The following PAH variants were observed in gnomAD, a reference collection of about 807,000 sequenced individuals.
The protein encoded by PAH is phenylalanine-4-hydroxylase.
Under a neutral mutation model 62.0 loss-of-function variants are expected in PAH, and 64 were observed. The ratio of observed to expected loss-of-function variants is 1.03; its 90% CI spans 0.84 to 1.27. PAH has a LOEUF of 1.27. PAH is among the 50% of genes most tolerant of loss of function. The pLI, the probability that PAH is intolerant of heterozygous loss-of-function variation, is 0.00. For missense variants in PAH, 579 were observed against 542.8 expected (o/e 1.07, Z -0.66); for synonymous variants, 195 against 196.2 (o/e 0.99, Z 0.05).
chr12:102,858,290 T>A (rs1875539176), intron 5 of PAH, among the ~76,000 whole-genome samples: 3 of 152,178 alleles, frequency 2.0e-5, no homozygotes, highest in African/African-American at 7.2e-5. Flanking sequence ...CCTAAATGTA[T>A]ATGCACCCAA....
At chr12:102,956,737 G>T (rs1879925860) in intron 1 of PAH, among the ~76,000 whole-genome samples, 2 of 152,178 alleles carry the variant, frequency 1.3e-5, no homozygotes, top group Admixed American at 1.3e-4. Flanking sequence ...TGGCGGTAGG[G>T]GGCGATGGTA....
At chr12:102,888,632 T>A (rs1026067160) in intron 3 of PAH, among the ~76,000 whole-genome samples, 17 of 151,330 alleles carry the variant, frequency 1.1e-4, no homozygotes, top group African/African-American at 4.1e-4. Flanking sequence ...GCAGACAGTC[T>A]ACCAAGGATA....
upstream of PAH, among the ~76,000 whole-genome samples, chr12:102,919,505 T>C (rs948937676): frequency 5.9e-5 from 9 of 152,354 alleles, no homozygotes; most frequent in Non-Finnish European, 7.3e-5. Flanking sequence ...TTGACTATAT[T>C]CGCCCTGTTG....
intron 3 of PAH, among the ~76,000 whole-genome samples, chr12:102,879,050 A>G (rs1565860034): frequency 6.6e-6 from 1 of 152,106 alleles, no homozygotes; most frequent in East Asian, 1.9e-4. Flanking sequence ...TGAACTTCCA[A>G]TCAGCATGCG....
intron 2 of PAH, among the ~76,000 whole-genome samples, chr12:102,901,319 A>C (rs1877752678): frequency 2.0e-5 from 3 of 152,168 alleles, no homozygotes; most frequent in Admixed American, 1.3e-4. Flanking sequence ...TGGATATATT[A>C]ATTGGCCATT....
intron 1 of PAH, among the ~76,000 whole-genome samples, chr12:102,913,233 G>T (rs762104178): frequency 6.6e-6 from 1 of 152,110 alleles, no homozygotes. Flanking sequence ...ATTTAAAGAT[G>T]AATAAGACAA....
chr12:102,924,064 C>T (rs1878622727), intron 1 of PAH, among the ~76,000 whole-genome samples: 2 of 152,194 alleles, frequency 1.3e-5, no homozygotes, highest in Admixed American at 1.3e-4. Context: ...TCTTTTTAAC[C>T]ACCCTAACTT....
chr12:102,898,331 C>T (rs1446682496), intron 2 of PAH, among the ~76,000 whole-genome samples: 1 of 152,178 alleles, frequency 6.6e-6, no homozygotes, highest in South Asian at 2.1e-4. Context: ...AAATCATCTG[C>T]TACTTAGTCA....
At chr12:102,919,946 C>A (rs542721905), upstream of PAH, among the ~76,000 whole-genome samples, 54 of 152,220 alleles carry the variant, frequency 3.5e-4, 1 homozygote, top group Non-Finnish European at 2.9e-4. Context: ...GATTTCCTTT[C>A]TTATAGGTAT....
intron 3 of PAH, among the ~76,000 whole-genome samples, chr12:102,890,531 A>G (rs1220130253): frequency 6.6e-6 from 1 of 152,222 alleles, no homozygotes; most frequent in East Asian, 1.9e-4. Context: ...CAGGTATGGT[A>G]AGGTCAGGTG....
upstream of PAH, among the ~76,000 whole-genome samples, chr12:102,951,693 C>T (rs912177960): frequency 1.3e-5 from 2 of 152,064 alleles, no homozygotes; most frequent in Admixed American, 1.3e-4. Context: ...GGGCTGAAAT[C>T]CGGTCACTCA....
At chr12:102,928,398 G>C (rs1179398467) in intron 1 of PAH, among the ~76,000 whole-genome samples, 1 of 152,096 alleles carries the variant, frequency 6.6e-6, no homozygotes, top group Non-Finnish European at 1.5e-5. Context: ...TGAGAAGTCT[G>C]AGATATTGTA....
Position 102,892,883 on chromosome 12 carries a change from A to C in PAH, c.352+1852T>G, listed in dbSNP as rs115457145. On this transcript the variant is annotated intron_variant, in intron 3 of 12. Transcript: ENST00000553106. ...AAATGGTAGATACATGACATTACGC[A>C]TTTGTCAAAACCAATAAAACTGTAA... is the stretch of plus-strand genomic sequence containing the variant. Among the ~76,000 whole-genome samples, 1,035 of 152,366 alleles carry C rather than the reference A, an allele frequency of 6.8e-3. 20 individuals carry two copies. The highest frequency in any genetic ancestry group is 0.024 in the African/African-American group (1,008 of 41,576).
chr12:102,914,058 T>G (rs1878298129), intron 1 of PAH: 1 of 495,260 alleles, frequency 2.0e-6, no homozygotes, highest in Admixed American at 3.8e-5. Flanking sequence ...TGACTCAGAA[T>G]AACAAGCCCT....
At chr12:102,958,379 G>GC (rs1565889052), upstream of PAH, 19 of 1,485,352 alleles carry the variant, frequency 1.3e-5, no homozygotes, top group East Asian at 4.6e-4. Flanking sequence ...CCGCCGCAGC[G>GC]GCAGCGCAGA....
upstream of PAH, among the ~76,000 whole-genome samples, chr12:102,955,169 T>C (rs1879875267): frequency 6.6e-6 from 1 of 152,008 alleles, no homozygotes; most frequent in African/African-American, 2.4e-5. Context: ...TTCCACTCCA[T>C]TTGGGCACCC....
intron 3 of PAH, among the ~76,000 whole-genome samples, chr12:102,891,012 A>C (rs1335511916): frequency 1.3e-5 from 2 of 152,144 alleles, no homozygotes; most frequent in Admixed American, 1.3e-4. Context: ...TGAACCCGAG[A>C]GGCGGAGGTT....
chr12:102,875,308 C>A (rs1876517240), intron 4 of PAH, among the ~76,000 whole-genome samples: 1 of 152,108 alleles, frequency 6.6e-6, no homozygotes, highest in Non-Finnish European at 1.5e-5. Flanking sequence ...CTTGAGGATA[C>A]AGGGAGAAAA....
At chr12:102,871,713 A>G (rs1876322978) in intron 4 of PAH, among the ~76,000 whole-genome samples, 2 of 152,122 alleles carry the variant, frequency 1.3e-5, no homozygotes, top group East Asian at 3.9e-4. Context: ...GCCTGAGGTC[A>G]GGAGTTCAAG....
Sources: allele counts gnomAD v4.1 joint callset (sites outside exome capture counted in the v4.1 genomes callset), GRCh38; gene constraint gnomAD v4.1.1; transcripts MANE v1.5; gene names NCBI Gene and HGNC (gene_info 2026-07-23, HGNC 2026-07-21).